STK32B: variants seen among roughly 807,000 people sequenced by gnomAD.
STK32B encodes the protein serine/threonine kinase 32B.
In STK32B, 43 loss-of-function variants were observed where a neutral mutation model predicts 52.6. The observed-to-expected ratio is 0.82, with a 90% confidence interval of 0.64 to 1.05. The LOEUF (loss-of-function observed/expected upper bound fraction) is 1.05, where lower values mean the gene tolerates loss of function less well. Ranked by LOEUF, STK32B falls within the 50% of genes least tolerant of loss-of-function variation. The pLI, the probability that STK32B is intolerant of heterozygous loss-of-function variation, is 0.00. For missense variants in STK32B, 621 were observed against 534.6 expected (o/e 1.16, Z -1.59); for synonymous variants, 238 against 204.3 (o/e 1.17, Z -1.41).
intron 3 of STK32B, among the ~76,000 whole-genome samples, chr4:5,203,447 A>G (rs796377348): frequency 1.3e-5 from 2 of 152,200 alleles, no homozygotes; most frequent in South Asian, 2.1e-4. Context: ...TTCAAAAAGC[A>G]GCTGACCACC....
intron 4 of STK32B, among the ~76,000 whole-genome samples, chr4:5,364,735 T>C (rs898080336): frequency 1.3e-5 from 2 of 151,930 alleles, no homozygotes; most frequent in African/African-American, 4.8e-5. Flanking sequence ...GAGCAGGAAA[T>C]CATGCTAAGC....
intron 3 of STK32B, among the ~76,000 whole-genome samples, chr4:5,266,452 C>G (rs971264810): frequency 6.6e-6 from 1 of 152,110 alleles, no homozygotes. Flanking sequence ...AATTAATGAT[C>G]TGGGAGATCT....
intron 3 of STK32B, among the ~76,000 whole-genome samples, chr4:5,246,688 C>A (rs1214848409): frequency 6.6e-6 from 1 of 152,124 alleles, no homozygotes; most frequent in East Asian, 1.9e-4. Context: ...TCTGTGTCTT[C>A]CCTATCTTTG....
At chr4:5,478,021 A>G (rs1461803740) in intron 11 of STK32B, among the ~76,000 whole-genome samples, 1 of 152,118 alleles carries the variant, frequency 6.6e-6, no homozygotes, top group African/African-American at 2.4e-5. Context: ...AACTGGTACC[A>G]GTGCCCAGAA....
intron 1 of STK32B, among the ~76,000 whole-genome samples, chr4:5,138,879 A>T (rs748134340): frequency 2.0e-5 from 3 of 152,126 alleles, no homozygotes; most frequent in Non-Finnish European, 4.4e-5. Flanking sequence ...TCAGTAGGTG[A>T]TGGGAGTGAG....
intron 3 of STK32B, among the ~76,000 whole-genome samples, chr4:5,276,295 A>G (rs945463311): frequency 1.3e-5 from 2 of 151,748 alleles, no homozygotes; most frequent in African/African-American, 4.8e-5. Context: ...TCTCAAAAAA[A>G]GAAAAAAAAA....
chr4:5,332,937 A>G (rs566341018), intron 4 of STK32B, among the ~76,000 whole-genome samples: 2 of 152,258 alleles, frequency 1.3e-5, no homozygotes, highest in East Asian at 3.9e-4. Context: ...GCTATTGTGA[A>G]TAGTGCCGCA....
chr4:5,274,752 A>C (rs532471856), intron 3 of STK32B, among the ~76,000 whole-genome samples: 1 of 151,472 alleles, frequency 6.6e-6, no homozygotes, highest in African/African-American at 2.4e-5. Flanking sequence ...TTGCAACTGC[A>C]CTCTTCTGTG....
intron 4 of STK32B, among the ~76,000 whole-genome samples, chr4:5,344,685 T>C (rs1455066794): frequency 2.1e-5 from 3 of 146,258 alleles, no homozygotes; most frequent in South Asian, 2.1e-4. Context: ...TGGCAAACTT[T>C]GTCAGAATTT....
At chr4:5,260,007 G>T (rs888019118) in intron 3 of STK32B, among the ~76,000 whole-genome samples, 1 of 151,672 alleles carries the variant, frequency 6.6e-6, no homozygotes, top group African/African-American at 2.4e-5. Flanking sequence ...CCTGAGGGGG[G>T]GTCAAGTCAT....
chr4:5,051,536 G>T lies in STK32B; in HGVS notation c.-328G>T. On this transcript the variant is annotated 5_prime_UTR_variant, in exon 1 of 12. Coordinates refer to ENST00000282908, the MANE Select transcript of STK32B (RefSeq NM_018401.3). Reference sequence around the variant, plus strand: ...TCGCGTCTCCCGCCCGCTGTAGCCGGCGAGGAGCGCCGCACGTTGGCCCCG... The same window carrying T: ...TCGCGTCTCCCGCCCGCTGTAGCCGTCGAGGAGCGCCGCACGTTGGCCCCG... 2.9e-6 allele frequency: 1 copy of T among 348,402 alleles called. No homozygotes were observed. Among genetic ancestry groups the T allele is most frequent in the Non-Finnish European group, 5.1e-6 (1 of 194,694 alleles). The allele number at this position is 348,402 out of a possible 1,614,324, so 21.6% of individuals were successfully genotyped here. A position where few individuals can be genotyped will look rare whatever the true frequency, so the allele number is the denominator to read the frequency against.
At chr4:5,173,958 T>G (rs1015233256) in intron 3 of STK32B, among the ~76,000 whole-genome samples, 1 of 152,230 alleles carries the variant, frequency 6.6e-6, no homozygotes, top group African/African-American at 2.4e-5. Flanking sequence ...TGTAGGTCAC[T>G]AAGGACTTGC....
chr4:5,350,897 C>T (rs1011804893), intron 4 of STK32B, among the ~76,000 whole-genome samples: 1 of 151,852 alleles, frequency 6.6e-6, no homozygotes, highest in African/African-American at 2.4e-5. Context: ...TAAAGAAGGT[C>T]AATATATAAT....
chr4:5,447,860 G>A (rs1715609343), intron 7 of STK32B, among the ~76,000 whole-genome samples: 1 of 152,226 alleles, frequency 6.6e-6, no homozygotes, highest in Non-Finnish European at 1.5e-5. Context: ...CATCTCCATA[G>A]CACCAGTGCC....
chr4:5,162,854 G>C (rs1023047962), intron 2 of STK32B, among the ~76,000 whole-genome samples: 5 of 152,340 alleles, frequency 3.3e-5, no homozygotes, highest in African/African-American at 1.2e-4. Context: ...TGCTGTTGGT[G>C]ACAAGTGTTC....
the STK32B span, among the ~76,000 whole-genome samples, chr4:5,029,330 A>C: frequency 2.0e-5 from 3 of 152,224 alleles, no homozygotes; most frequent in African/African-American, 7.2e-5. Flanking sequence ...GGTGATCCTA[A>C]TGCAATCACA....
At chr4:5,214,330 CCTGTAA>C (rs1560231162) in intron 3 of STK32B, 1 of 152,406 alleles carries the variant, frequency 6.6e-6, no homozygotes, top group East Asian at 1.9e-4. Flanking sequence ...AGCCATGCCT[CCTGTAA>C]CAGCTTGTGG....
At chr4:5,272,011 A>G (rs367626857) in intron 3 of STK32B, among the ~76,000 whole-genome samples, 8 of 148,626 alleles carry the variant, frequency 5.4e-5, no homozygotes, top group African/African-American at 7.7e-5. Flanking sequence ...TCTCCTGCCT[A>G]ATTGCCCTGG....
At chr4:5,163,662 G>C (rs911393939) in intron 2 of STK32B, among the ~76,000 whole-genome samples, 1 of 151,932 alleles carries the variant, frequency 6.6e-6, no homozygotes, top group Admixed American at 6.6e-5. Context: ...GAAGGCAAAA[G>C]AATGCCCTTG....
Sources: allele counts gnomAD v4.1 joint callset (sites outside exome capture counted in the v4.1 genomes callset), GRCh38; gene constraint gnomAD v4.1.1; transcripts MANE v1.5; gene names NCBI Gene and HGNC (gene_info 2026-07-23, HGNC 2026-07-21).